STYXL1: variants seen among roughly 807,000 people sequenced by gnomAD.
STYXL1 encodes the protein serine/threonine/tyrosine-interacting-like protein 1.
A neutral mutation model predicts 36.4 loss-of-function variants in STYXL1; 32 were observed. The ratio of observed to expected loss-of-function variants is 0.88; its 90% confidence interval spans 0.66 to 1.18. The LOEUF (loss-of-function observed/expected upper bound fraction) is 1.18. Ranked by LOEUF, STYXL1 falls within the 50% of genes most tolerant of loss-of-function variation. STYXL1 has a pLI of 0.00. For synonymous variants in STYXL1, 133 were observed against 144.1 expected (o/e 0.92, Z 0.55); for missense variants, 354 against 394.1 (o/e 0.90, Z 0.86).
chr7:76,024,991 G>A (rs1373803526), intron 3 of STYXL1, among the ~76,000 whole-genome samples: 2 of 145,266 alleles, frequency 1.4e-5, no homozygotes, highest in Non-Finnish European at 3.0e-5. Flanking sequence ...GACATATTCT[G>A]TTTTCAAAAA....
intron 1 of STYXL1, among the ~76,000 whole-genome samples, chr7:76,042,390 CTT>C (rs528469396): frequency 1.7e-4 from 7 of 41,832 alleles, no homozygotes; most frequent in African/African-American, 3.2e-4. Context: ...CCCTTATGTG[CTT>C]TTTTTTTTTT....
chr7:76,034,933 C>T (rs1468149302), intron 1 of STYXL1, among the ~76,000 whole-genome samples: 1 of 152,204 alleles, frequency 6.6e-6, no homozygotes, highest in Non-Finnish European at 1.5e-5. Context: ...GACCTGTCTA[C>T]TGAGCTGCAG....
In STYXL1 at chr7:76,019,305, G is replaced by GT. The variant is rs1422731555; in HGVS notation, c.307+2545dup. ...TTCTTTTTTTTTTTTTTTTAAATAC[G>GT]TTTTTTTTAGAGACAGGGTCTTACG... On this transcript the variant is annotated intron_variant, in intron 4 of 8. Coordinates refer to ENST00000359697, the MANE Select transcript of STYXL1 (RefSeq NM_001317785.2). Among the ~76,000 whole-genome samples, 11 of 142,396 alleles carry GT rather than the reference G, an allele frequency of 7.7e-5. No homozygotes were observed. In the East Asian group the frequency reaches 1.0e-3, roughly 13 times the overall value. 93.4% of individuals were successfully genotyped at this position (142,396 alleles called of 152,430 possible).
chr7:76,003,733 T>C (rs782380584), intron 7 of STYXL1, 25 bp downstream of exon 7: 1 of 1,607,814 alleles, frequency 6.2e-7, no homozygotes, highest in Non-Finnish European at 8.5e-7. Context: ...GGCCAGTTGC[T>C]ACCCGGCCAA....
intron 8 of STYXL1, chr7:76,000,460 T>C (rs3801472): frequency 0.89 from 404,940 of 457,144 alleles, 179,699 homozygotes; most frequent in Non-Finnish European, 0.91. Flanking sequence ...AGTTAGGAGC[T>C]CCGAGTTCCG....
At chr7:76,019,706 G>A (rs1022423783) in intron 4 of STYXL1, among the ~76,000 whole-genome samples, 2 of 151,994 alleles carry the variant, frequency 1.3e-5, no homozygotes, top group African/African-American at 2.4e-5. Context: ...AGATGGCATT[G>A]ACAGGAAGAA....
At chr7:75,996,786 G>A (rs1554564274) in intron 8 of STYXL1, among the ~76,000 whole-genome samples, 187 bp from the exon 9 acceptor site, 1 of 152,208 alleles carries the variant, frequency 6.6e-6, no homozygotes, top group African/African-American at 2.4e-5. Flanking sequence ...AGCTGACTCT[G>A]CCTTGGGCAA....
At chr7:76,000,575 T>C in intron 8 of STYXL1, 2 of 498,118 alleles carry the variant, frequency 4.0e-6, no homozygotes, top group South Asian at 3.1e-5. Context: ...GCTGCAGCTC[T>C]GGGACTCCAA....
intron 5 of STYXL1, among the ~76,000 whole-genome samples, chr7:76,005,841 AGG>A: frequency 4.3e-5 from 1 of 23,362 alleles, no homozygotes; most frequent in Non-Finnish European, 1.1e-4. Context: ...AGAGAGGAGG[AGG>A]AAGAGAGAGG....
chr7:76,001,263 C>T (rs1790883666), intron 7 of STYXL1, among the ~76,000 whole-genome samples: 1 of 152,206 alleles, frequency 6.6e-6, no homozygotes, highest in African/African-American at 2.4e-5. Context: ...TCCTGAACTC[C>T]AGGTTTCTAG....
intron 8 of STYXL1, among the ~76,000 whole-genome samples, chr7:75,999,484 T>A (rs1005698381): frequency 3.5e-5 from 5 of 141,914 alleles, no homozygotes; most frequent in African/African-American, 1.3e-4. Context: ...AGATGGTAAT[T>A]TTTTTGTTGT....
At chr7:76,047,293 C>T (rs1797254341) in intron 1 of STYXL1, among the ~76,000 whole-genome samples, 1 of 152,114 alleles carries the variant, frequency 6.6e-6, no homozygotes, top group African/African-American at 2.4e-5. Context: ...AAGTAATAAA[C>T]TCATTGTGAG....
At chr7:76,030,671 A>C (rs1012778141) in intron 1 of STYXL1, 144 bp from the exon 2 acceptor site, 18 of 613,578 alleles carry the variant, frequency 2.9e-5, no homozygotes, top group Non-Finnish European at 4.5e-5. Flanking sequence ...GAATGCTTCA[A>C]AACTGTATAG....
chr7:76,037,707 A>C (rs2159692), intron 1 of STYXL1, among the ~76,000 whole-genome samples: 143,770 of 149,358 alleles, frequency 0.96, 69,583 homozygotes, highest in Middle Eastern at 1. Flanking sequence ...CCTAACCCCC[A>C]AGACAGTCCA....
At chr7:76,025,430 T>C (rs932546836) in intron 3 of STYXL1, among the ~76,000 whole-genome samples, 5 of 151,810 alleles carry the variant, frequency 3.3e-5, no homozygotes, top group South Asian at 2.1e-4. Context: ...TGAGTGGGAA[T>C]AGAGGCCCAT....
chr7:76,019,898 A>G (rs572124144), intron 4 of STYXL1, among the ~76,000 whole-genome samples: 1 of 148,544 alleles, frequency 6.7e-6, no homozygotes, highest in Non-Finnish European at 1.5e-5. Context: ...GTTCGAGACC[A>G]GCCTGGGCAA....
At chr7:76,020,289 T>C (rs1554575688) in intron 4 of STYXL1, among the ~76,000 whole-genome samples, 6 of 152,100 alleles carry the variant, frequency 3.9e-5, no homozygotes. Context: ...TTATGAAAGG[T>C]GGGAGCATAG....
At chr7:76,039,708 C>T (rs1256883405) in intron 1 of STYXL1, among the ~76,000 whole-genome samples, 5 of 152,004 alleles carry the variant, frequency 3.3e-5, no homozygotes, top group Non-Finnish European at 7.4e-5. Flanking sequence ...GGTGCAGTGG[C>T]GTGATCTCAC....
At chr7:76,016,656 A>G (rs929159060) in intron 4 of STYXL1, among the ~76,000 whole-genome samples, 1 of 152,180 alleles carries the variant, frequency 6.6e-6, no homozygotes, top group Admixed American at 6.5e-5. Context: ...ACTAATCATC[A>G]GAGAAATGCA....
Sources: allele counts gnomAD v4.1 joint callset (sites outside exome capture counted in the v4.1 genomes callset), GRCh38; gene constraint gnomAD v4.1.1; transcripts MANE v1.5; gene names NCBI Gene and HGNC (gene_info 2026-07-23, HGNC 2026-07-21).